MGST1: variants seen among roughly 807,000 people sequenced by gnomAD.
The protein encoded by MGST1 is microsomal glutathione S-transferase 1.
In MGST1, 5 loss-of-function variants were observed where a neutral mutation model predicts 8.9. The ratio of observed to expected loss-of-function variants is 0.56; its 90% CI spans 0.29 to 1.19. MGST1 has a LOEUF of 1.19. Among genes scored for constraint, MGST1 ranks in the 50% most tolerant of loss-of-function variants. The pLI, the probability that MGST1 is intolerant of heterozygous loss-of-function variation, is 0.08. For missense variants in MGST1, 182 were observed against 187.4 expected (o/e 0.97, Z 0.17); for synonymous variants, 54 against 67.8 (o/e 0.80, Z 1.00).
chr12:16,484,559 G>A (rs760864033), intron 4 of MGST1, among the ~76,000 whole-genome samples: 27 of 152,158 alleles, frequency 1.8e-4, no homozygotes, highest in Non-Finnish European at 3.4e-4. Flanking sequence ...AGCACAACTA[G>A]GGAGGTCTCA....
At chr12:16,525,243 C>G (rs1941676767) in intron 4 of MGST1, among the ~76,000 whole-genome samples, 1 of 150,380 alleles carries the variant, frequency 6.6e-6, no homozygotes, top group African/African-American at 2.4e-5. Flanking sequence ...GCACTGCACC[C>G]ACTAACTCGT....
At chr12:16,368,376 G>A (rs1053222607), downstream of MGST1, among the ~76,000 whole-genome samples, 1 of 152,182 alleles carries the variant, frequency 6.6e-6, no homozygotes, top group Admixed American at 6.5e-5. Flanking sequence ...CATGGAGGCA[G>A]ATGGTGAGAA....
chr12:16,359,889 C>T (rs1288998261), intron 3 of MGST1, among the ~76,000 whole-genome samples: 1 of 152,198 alleles, frequency 6.6e-6, no homozygotes, highest in Non-Finnish European at 1.5e-5. Context: ...ATTTTAGATT[C>T]CTCCCTACTA....
rs1460618429 is a variant in MGST1 at position 16,513,122 on chromosome 12, A to G, written n.483-76406A>G. ...AAATCATTCTTTCATGTGTATATAT[A>G]CAGATACACATATACATAAACATAC... On this transcript the variant is annotated intron_variant and non_coding_transcript_variant, in intron 4 of 4. Coordinates refer to the MGST1 transcript ENST00000538857. This position sits in a 1 kb window ranked among gnomAD's most constrained non-coding sequence, Gnocchi z 4.2. 1.3e-5 allele frequency among the ~76,000 whole-genome samples: 2 copies of G among 152,204 alleles called. No individual in the cohort carries two copies. The highest frequency in any genetic ancestry group is 2.9e-5 in the Non-Finnish European group (2 of 68,034).
chr12:16,538,710 G>A (rs1475359701), intron 4 of MGST1, among the ~76,000 whole-genome samples: 9 of 150,726 alleles, frequency 6.0e-5, no homozygotes, highest in East Asian at 2.0e-4. Context: ...TGGGGTTCAC[G>A]CCATTCTCCT....
chr12:16,360,729 T>C (rs1377139387), intron 3 of MGST1, among the ~76,000 whole-genome samples: 3 of 152,126 alleles, frequency 2.0e-5, no homozygotes, highest in Non-Finnish European at 4.4e-5. Context: ...TTAGAATATA[T>C]TCCCTTTAAA....
At position 16,458,181 on chromosome 12, in the gene MGST1, C is replaced by T. The variant is rs910457836; in HGVS notation, n.482+74577C>T. Reference sequence around the variant, plus strand: ...GAATAAAGATGGGAATGTTGTGCAGCGAAGGTGCCAGCTGATCTTTAATTG... The same window carrying T: ...GAATAAAGATGGGAATGTTGTGCAGTGAAGGTGCCAGCTGATCTTTAATTG... On this transcript the variant is annotated intron_variant and non_coding_transcript_variant, in intron 4 of 4. Transcript: ENST00000538857. The surrounding 1 kb of genome is among the most constrained non-coding windows in gnomAD (Gnocchi z 4.0). 1.3e-4 allele frequency among the ~76,000 whole-genome samples: 19 copies of T among 151,912 alleles called. No individual in the cohort carries two copies. The highest frequency in any genetic ancestry group is 3.4e-4 in the African/African-American group (14 of 41,420).
chr12:16,468,047 C>G (rs1941266271), intron 4 of MGST1, among the ~76,000 whole-genome samples: 1 of 152,158 alleles, frequency 6.6e-6, no homozygotes, highest in African/African-American at 2.4e-5. Context: ...AAGACTATGT[C>G]TACATTGGCC....
At position 16,356,840 on chromosome 12, in the gene MGST1, A is replaced by G. The variant is rs1177369465; in HGVS notation, c.127-765A>G. ...TGACAGAGTACAAGACACCTTTCCCATCCCTTACTCTTTTATGCTTCTTGC... is the reference window on the plus strand; with the variant it reads ...TGACAGAGTACAAGACACCTTTCCCGTCCCTTACTCTTTTATGCTTCTTGC... On this transcript the variant is annotated intron_variant, in intron 2 of 3. Transcript: ENST00000396210. Among the ~76,000 whole-genome samples, 4 of 152,306 alleles carry G rather than the reference A, an allele frequency of 2.6e-5. No homozygotes were observed. In the East Asian group the frequency reaches 5.8e-4, roughly 22 times the overall value.
intron 1 of MGST1, among the ~76,000 whole-genome samples, chr12:16,395,790 T>TACACACAC (rs1223679635): frequency 0.015 from 1,884 of 123,512 alleles, 48 homozygotes; most frequent in East Asian, 0.058. Flanking sequence ...CATATATATA[T>TACACACAC]ATATATATAT....
At chr12:16,556,146 T>C (rs1273090423) in intron 4 of MGST1, among the ~76,000 whole-genome samples, 1 of 152,184 alleles carries the variant, frequency 6.6e-6, no homozygotes, top group Non-Finnish European at 1.5e-5. Context: ...ATTTTACATA[T>C]TTGGGAAAAT....
In MGST1 at chr12:16,495,448, C is replaced by T. The variant is rs1185806953; in HGVS notation, n.483-94080C>T. On this transcript the variant is annotated intron_variant and non_coding_transcript_variant, in intron 4 of 4. Transcript: ENST00000538857. ...CCAGGAAACAAACCAGCACATGTAC[C>T]CTCTGCATCTAAAAGAAACATTGAA... Among the ~76,000 whole-genome samples, 5 of 151,918 alleles carry T rather than the reference C, an allele frequency of 3.3e-5. No homozygotes were observed. The East Asian group carries it at 9.6e-4, about 29-fold the overall frequency.
intron 1 of MGST1, among the ~76,000 whole-genome samples, chr12:16,388,150 AT>A (rs2137049424): frequency 6.6e-6 from 1 of 151,782 alleles, no homozygotes; most frequent in East Asian, 2.0e-4. Flanking sequence ...CATAAAAGTG[AT>A]GACAAAAACT....
intron 4 of MGST1, chr12:16,549,865 T>C (rs1227428826): frequency 6.6e-6 from 1 of 152,124 alleles, no homozygotes; most frequent in Non-Finnish European, 1.5e-5. Context: ...CTTCTTTGTA[T>C]GCTATCACGT....
intron 4 of MGST1, among the ~76,000 whole-genome samples, chr12:16,565,169 T>C (rs113183642): frequency 1.2e-4 from 19 of 152,272 alleles, no homozygotes; most frequent in African/African-American, 4.1e-4. Flanking sequence ...TAACTACAGA[T>C]GAACAGAGAA....
intron 1 of MGST1, among the ~76,000 whole-genome samples, chr12:16,411,511 CA>C (rs1565449166): frequency 1.3e-5 from 2 of 152,024 alleles, no homozygotes; most frequent in Non-Finnish European, 2.9e-5. Flanking sequence ...TCACATTCTT[CA>C]AAAATGTTAG....
At chr12:16,528,769 A>T (rs765918439) in intron 4 of MGST1, among the ~76,000 whole-genome samples, 34 of 152,040 alleles carry the variant, frequency 2.2e-4, no homozygotes, top group Non-Finnish European at 3.8e-4. Flanking sequence ...GCTTGAACAA[A>T]TGCAGTAGTT....
At chr12:16,568,800 TC>T (rs1280665411) in intron 4 of MGST1, among the ~76,000 whole-genome samples, 1 of 152,202 alleles carries the variant, frequency 6.6e-6, no homozygotes, top group Non-Finnish European at 1.5e-5. Context: ...GTCTATAGCT[TC>T]AGCTTTCTTT....
chr12:16,524,262 A>G (rs1301787190), intron 4 of MGST1, among the ~76,000 whole-genome samples: 1 of 152,090 alleles, frequency 6.6e-6, no homozygotes, highest in South Asian at 2.1e-4. Flanking sequence ...ATCTATAAAC[A>G]TTAGTGTAGG....
Sources: allele counts gnomAD v4.1 joint callset (sites outside exome capture counted in the v4.1 genomes callset), GRCh38; gene constraint gnomAD v4.1.1; non-coding constraint Gnocchi (gnomAD v3.1); transcripts MANE v1.5; gene names NCBI Gene and HGNC (gene_info 2026-07-23, HGNC 2026-07-21).